G3BP1: variants seen among roughly 807,000 people sequenced by gnomAD.
G3BP1 encodes the protein G3BP stress granule assembly factor 1.
Under a neutral mutation model 58.6 loss-of-function variants are expected in G3BP1, and 35 were observed. The ratio of observed to expected loss-of-function variants is 0.60; its 90% CI spans 0.46 to 0.79. G3BP1 has a LOEUF of 0.79. Ranked by LOEUF, G3BP1 falls within the 30% of genes least tolerant of loss-of-function variation. G3BP1 has a pLI of 0.00. For missense variants in G3BP1, 523 were observed against 580.8 expected, an observed-to-expected ratio of 0.90 and a Z score of 1.02; for synonymous variants, 191 against 195.4, an observed-to-expected ratio of 0.98 and a Z score of 0.19.
At chr5:151,784,389 C>G (rs1762523651) in intron 1 of G3BP1, among the ~76,000 whole-genome samples, 1 of 152,072 alleles carries the variant, frequency 6.6e-6, no homozygotes, top group Admixed American at 6.5e-5. Context: ...GCTGGAAAAC[C>G]TGCTAAGTCA....
At position 151,800,869 on chromosome 5, in the gene G3BP1, G is replaced by T; in HGVS notation, c.1194G>T (p.Arg398Ser). Residue 398 changes from arginine (R) to serine (S), a missense_variant and splice_region_variant, in exon 11 of 12, where the codon AGG becomes AGT. Coordinates refer to ENST00000356245, the MANE Select transcript of G3BP1 (RefSeq NM_005754.3). ...SEPVQKVLSN[R>S]PIMFRGEVRL... is the part of the protein sequence containing the mutation. ...CTGTTCAGAAAGTCCTTAGCAACAGGGTAAGCAGCTTTTTGTCTTGATTTT... is the reference window on the plus strand; with the variant it reads ...CTGTTCAGAAAGTCCTTAGCAACAGTGTAAGCAGCTTTTTGTCTTGATTTT... 6.8e-7 allele frequency: 1 copy of T among 1,478,076 alleles called. No individual in the cohort carries two copies. The highest frequency in any genetic ancestry group is 1.2e-5 in the South Asian group (1 of 83,044). 91.6% of individuals were successfully genotyped at this position (1,478,076 alleles called of 1,614,324 possible).
At chr5:151,791,240 G>A (rs1001499181) in intron 4 of G3BP1, 178 bp downstream of exon 4, 1 of 507,756 alleles carries the variant, frequency 2.0e-6, no homozygotes, top group Non-Finnish European at 3.6e-6. Flanking sequence ...GCCCACATGT[G>A]TATAATTCTT....
chr5:151,800,207 C>T lies in G3BP1; in HGVS notation c.956-11C>T, dbSNP rs763889640. 89 of 1,609,318 alleles carry T rather than the reference C, an allele frequency of 5.5e-5. 1 individual carries two copies. In the East Asian group the frequency reaches 1.9e-3, roughly 34 times the overall value. ...TCTTGTCTTTCATTGATGTTTTTGT[C>T]TCCTTTTAAGTCCGTGAGGCTGGTG... On this transcript the variant is annotated splice_polypyrimidine_tract_variant and intron_variant, in intron 9 of 11. Coordinates refer to ENST00000356245, the MANE Select transcript of G3BP1 (RefSeq NM_005754.3).
intron 2 of G3BP1, among the ~76,000 whole-genome samples, chr5:151,789,278 A>G (rs944800555): frequency 1.3e-5 from 2 of 152,104 alleles, no homozygotes; most frequent in Admixed American, 6.5e-5. Context: ...CCTTCTCTCT[A>G]TACTAAAAAT....
chr5:151,773,690 A>G (rs1027239258), intron 1 of G3BP1, among the ~76,000 whole-genome samples: 14 of 152,236 alleles, frequency 9.2e-5, no homozygotes, highest in African/African-American at 3.4e-4. Flanking sequence ...CAGTATTATA[A>G]TAATGTTCCA....
chr5:151,795,032 C>T (rs1208762818), intron 5 of G3BP1, among the ~76,000 whole-genome samples: 2 of 152,194 alleles, frequency 1.3e-5, no homozygotes, highest in Admixed American at 1.3e-4. Context: ...AATTCCAGCA[C>T]TTTGGGAGGC....
In G3BP1 at chr5:151,804,873, A is replaced by G. The variant is rs2113256340; in HGVS notation, c.*782A>G. On this transcript the variant is annotated 3_prime_UTR_variant, in exon 12 of 12. Coordinates refer to ENST00000356245, the MANE Select transcript of G3BP1 (RefSeq NM_005754.3). ...AATTCCCAAAACCCAGATAACAACCAGAGCAAAACTGTTGTGCCTTCTATT... is the reference window on the plus strand; with the variant it reads ...AATTCCCAAAACCCAGATAACAACCGGAGCAAAACTGTTGTGCCTTCTATT... 6.5e-6 allele frequency: 1 copy of G among 152,772 alleles called. No homozygotes were observed. Among genetic ancestry groups the G allele is most frequent in the East Asian group, 1.9e-4 (1 of 5,194 alleles). 9.5% of individuals were successfully genotyped at this position (152,772 alleles called of 1,614,324 possible).
rs569222041 is a variant in G3BP1, at chr5:151,795,056, T to TC, written c.443-422dup. 7.9e-3 allele frequency among the ~76,000 whole-genome samples: 1,199 copies of TC among 152,306 alleles called. 20 individuals carry two copies. Among genetic ancestry groups the TC allele is most frequent in the African/African-American group, 0.028 (1,143 of 41,560 alleles). On this transcript the variant is annotated intron_variant, in intron 5 of 11. Coordinates refer to ENST00000356245, the MANE Select transcript of G3BP1 (RefSeq NM_005754.3). ...ACTTTGGGAGGCCCAGGCGGGCAGA[T>TC]CACGAGGTCAGGAGATCGAGGCCAT... is the stretch of plus-strand genomic sequence containing the variant.
chr5:151,774,578 C>T (rs1762334961), intron 1 of G3BP1, among the ~76,000 whole-genome samples: 1 of 151,312 alleles, frequency 6.6e-6, no homozygotes, highest in African/African-American at 2.4e-5. Context: ...TAACATTTTG[C>T]AAATTGATTT....
chr5:151,795,394 CTGT>C lies in G3BP1; in HGVS notation c.443-80_443-78del, dbSNP rs536317445. 4.2e-5 allele frequency: 30 copies of C among 710,490 alleles called. No individual in the cohort carries two copies. In the African/African-American group the frequency reaches 4.8e-4, roughly 11 times the overall value. 44.0% of individuals were successfully genotyped at this position (710,490 alleles called of 1,614,324 possible). On this transcript the variant is annotated intron_variant, in intron 5 of 11. Coordinates refer to ENST00000356245, the MANE Select transcript of G3BP1 (RefSeq NM_005754.3). ...GTTTATTTATATATGTTTTTCTTCA[CTGT>C]TGTTTTGTGAACATTGCGAAAGTTA...
chr5:151,796,114 A>C (rs903770943), intron 6 of G3BP1, among the ~76,000 whole-genome samples: 1 of 152,208 alleles, frequency 6.6e-6, no homozygotes, highest in African/African-American at 2.4e-5. Flanking sequence ...ACTGAATGTT[A>C]ATATTCAGTG....
In G3BP1 at chr5:151,800,803, A is replaced by G. The variant is rs1762836932; in HGVS notation, c.1128A>G (p.Lys376=). 1 of 1,613,198 alleles carries G rather than the reference A, an allele frequency of 6.2e-7. No homozygotes were observed. The highest frequency in any genetic ancestry group is 1.3e-5 in the African/African-American group (1 of 74,842). ...AGTTGCGCATTAACAGTGGTGGGAA[A>G]TTACCCAATTTTGGTTTTGTTGTGT... The part of the protein sequence containing the change: ...VVELRINSGG[K]LPNFGFVVFD... The change falls in exon 11 of 12, where the codon AAA becomes AAG. Residue 376 remains lysine, a synonymous_variant. Transcript: ENST00000356245.
In G3BP1 at chr5:151,786,524, G is replaced by A. The variant is rs78278753; in HGVS notation, c.-49-48G>A. On this transcript the variant is annotated intron_variant, in intron 1 of 11. Coordinates refer to ENST00000356245, the MANE Select transcript of G3BP1 (RefSeq NM_005754.3). ...GCTGAAATGATCTTGTCTCTGAGTT[G>A]GTTTCAGCTAAATGATTCGGTCTTT... 2.5e-3 allele frequency: 1,874 copies of A among 755,440 alleles called. 39 individuals are homozygous for A. The African/African-American group carries it at 0.028, about 11-fold the overall frequency. 46.8% of individuals were successfully genotyped at this position (755,440 alleles called of 1,614,324 possible). A position where few individuals can be genotyped will look rare whatever the true frequency, so the allele number is the denominator to read the frequency against.
chr5:151,803,921 G>A lies in G3BP1; in HGVS notation c.1231G>A (p.Glu411Lys). Residue 411 changes from glutamate to lysine, a missense_variant, in exon 12 of 12, where the codon GAA (glutamate) becomes AAA (lysine). Glu to Lys is a moderately conservative substitution (Grantham distance 56). Transcript: ENST00000356245. ...CAGAGGTGAGGTCCGTCTGAATGTC[G>A]AAGAGAAGAAGACTCGAGCTGCCAG... ...MFRGEVRLNV[E>K]EKKTRAAREG... The A allele has an allele frequency of 1.2e-6, 2 of 1,613,928 alleles. No individual in the cohort carries two copies. Among genetic ancestry groups the A allele is most frequent in the South Asian group, 1.1e-5 (1 of 91,052 alleles).
chr5:151,774,361 C>T (rs1173993560), intron 1 of G3BP1, among the ~76,000 whole-genome samples: 1 of 151,158 alleles, frequency 6.6e-6, no homozygotes, highest in Non-Finnish European at 1.5e-5. Context: ...TTTTCCCACT[C>T]GTTCTAGTAT....
At chr5:151,787,667 A>G (rs756268548) in intron 2 of G3BP1, 5 of 202,736 alleles carry the variant, frequency 2.5e-5, no homozygotes, top group Non-Finnish European at 5.3e-5. Context: ...TTTATACAAA[A>G]CTGTCTATTT....
Position 151,800,879 on chromosome 5 carries a change from T to A in G3BP1, c.1194+10T>A. On this transcript the variant is annotated intron_variant, in intron 11 of 11. Transcript: ENST00000356245. Reference sequence around the variant, plus strand: ...AGTCCTTAGCAACAGGGTAAGCAGCTTTTTGTCTTGATTTTTTTTTTTTTT... The same window carrying A: ...AGTCCTTAGCAACAGGGTAAGCAGCATTTTGTCTTGATTTTTTTTTTTTTT... 1 of 1,371,154 alleles carries A rather than the reference T, an allele frequency of 7.3e-7. No individual in the cohort carries two copies. 84.9% of individuals were successfully genotyped at this position (1,371,154 alleles called of 1,614,324 possible).
intron 11 of G3BP1, among the ~76,000 whole-genome samples, chr5:151,801,738 A>G (rs1303279681): frequency 6.6e-6 from 1 of 152,176 alleles, no homozygotes; most frequent in East Asian, 1.9e-4. Context: ...TGTGTACTTT[A>G]AACCATATAA....
At chr5:151,803,696 A>T (rs1035081303) in intron 11 of G3BP1, among the ~76,000 whole-genome samples, 189 bp from the exon 12 acceptor site, 2 of 151,952 alleles carry the variant, frequency 1.3e-5, no homozygotes, top group Non-Finnish European at 2.9e-5. Flanking sequence ...GGGTTTCACC[A>T]TGTTGGTCAG....
Sources: allele counts gnomAD v4.1 joint callset (sites outside exome capture counted in the v4.1 genomes callset), GRCh38; gene constraint gnomAD v4.1.1; transcripts MANE v1.5; gene names NCBI Gene and HGNC (gene_info 2026-07-23, HGNC 2026-07-21).